The following NEDD9 variants were observed in gnomAD, a reference collection of about 807,000 sequenced individuals.
NEDD9 encodes neural precursor cell expressed, developmentally down-regulated 9, also known as enhancer of filamentation 1.
Under a neutral mutation model 76.6 loss-of-function variants are expected in NEDD9, and 26 were observed. That is an observed-to-expected ratio of 0.34 (90% confidence interval 0.25 to 0.47). The LOEUF (loss-of-function observed/expected upper bound fraction) is 0.47. NEDD9 is among the 20% of genes least tolerant of loss of function. NEDD9 has a pLI of 1.00. For missense variants in NEDD9, 937 were observed against 1,058.5 expected (o/e 0.89, Z 1.59); for synonymous variants, 392 against 414.2 (o/e 0.95, Z 0.65).
chr6:11,330,770 A>G (rs72832921), intron 2 of NEDD9, among the ~76,000 whole-genome samples: 1,950 of 152,332 alleles, frequency 0.013, 9 homozygotes, highest in South Asian at 0.03. Context: ...CTAAACCACA[A>G]AACATAAAAT....
chr6:11,381,003 A>G (rs560003188), intron 1 of NEDD9, among the ~76,000 whole-genome samples: 1 of 152,176 alleles, frequency 6.6e-6, no homozygotes, highest in Non-Finnish European at 1.5e-5. Flanking sequence ...GTACAAAGTG[A>G]CAGCCACTAA....
Position 11,283,651 on chromosome 6 carries a change from T to C in NEDD9, c.12+22341A>G, listed in dbSNP as rs542010126. The stretch of plus-strand genomic sequence containing the variant: ...AGGAAAGATTTGGGATCTAATAATC[T>C]TGAATGCCTCTTTCTTGAATCTTGA... On this transcript the variant is annotated intron_variant, in intron 3 of 3. Coordinates refer to the NEDD9 transcript ENST00000397378. 1.2e-4 allele frequency among the ~76,000 whole-genome samples: 18 copies of C among 152,324 alleles called. No homozygotes were observed. The East Asian group carries it at 3.5e-3, about 29-fold the overall frequency.
In NEDD9 at chr6:11,252,193, C is replaced by T. The variant is rs1681808944; in HGVS notation, c.13-38466G>A. On this transcript the variant is annotated intron_variant, in intron 3 of 3. Transcript: ENST00000397378. This position sits in a 1 kb window ranked among gnomAD's most constrained non-coding sequence, Gnocchi z 4.3. ...GTCTGTCCTGGGGCTCTTAGCTATG[C>T]CAGCAGAGCCCTCTGGAGAGCTGAC... is the stretch of plus-strand genomic sequence containing the variant. Among the ~76,000 whole-genome samples the T allele has an allele frequency of 6.6e-6, 1 of 152,132 alleles. No individual in the cohort carries two copies. The highest frequency in any genetic ancestry group is 2.1e-4 in the South Asian group (1 of 4,826).
chr6:11,336,407 A>G (rs1438109362), intron 1 of NEDD9, among the ~76,000 whole-genome samples: 2 of 152,242 alleles, frequency 1.3e-5, no homozygotes, highest in East Asian at 1.9e-4. Context: ...AGTAGACAGC[A>G]TGTCACTGTA....
intron 2 of NEDD9, among the ~76,000 whole-genome samples, chr6:11,205,217 C>A (rs1758573412): frequency 6.6e-6 from 1 of 152,246 alleles, no homozygotes; most frequent in African/African-American, 2.4e-5. Context: ...GTTCCCTCCT[C>A]TGAACAGCAA....
intron 2 of NEDD9, among the ~76,000 whole-genome samples, chr6:11,313,337 A>G (rs1294245873): frequency 6.7e-6 from 1 of 148,782 alleles, no homozygotes; most frequent in Non-Finnish European, 1.5e-5. Context: ...ATGGGTGGAT[A>G]GATAGTGGAT....
intron 3 of NEDD9, among the ~76,000 whole-genome samples, chr6:11,253,780 G>T (rs1759953715): frequency 6.6e-6 from 1 of 152,126 alleles, no homozygotes; most frequent in African/African-American, 2.4e-5. Context: ...TCTATAAAAA[G>T]AATAAAATAG....
In NEDD9 at chr6:11,218,333, G is replaced by A. The variant is rs1054735915; in HGVS notation, c.13-4606C>T. ...CCACCTCACTGCCACCCTTCATTCA[G>A]GTCTTCAGCAACTTTTTTTTTTTTT... On this transcript the variant is annotated intron_variant, in intron 1 of 6. Coordinates refer to ENST00000379446, the MANE Select transcript of NEDD9 (RefSeq NM_006403.4). 2.7e-5 allele frequency among the ~76,000 whole-genome samples: 4 copies of A among 145,478 alleles called. No individual in the cohort carries two copies. In the Admixed American group the frequency reaches 2.9e-4, roughly 11 times the overall value.
At chr6:11,366,441 G>A (rs1210101036) in intron 1 of NEDD9, among the ~76,000 whole-genome samples, 7 of 150,838 alleles carry the variant, frequency 4.6e-5, no homozygotes, top group Admixed American at 1.3e-4. Flanking sequence ...AAGAAAGAAA[G>A]AAAAAAGAAA....
Position 11,184,941 on chromosome 6 carries a change from A to G in NEDD9, c.*221T>C. On this transcript the variant is annotated 3_prime_UTR_variant, in exon 7 of 7. Coordinates refer to ENST00000379446, the MANE Select transcript of NEDD9 (RefSeq NM_006403.4). ...AAGTTTTCTGTACAGTTTATGTCTC[A>G]GATACTTCTATGTATACATAAGAAC... The G allele has an allele frequency of 2.0e-6, 1 of 496,426 alleles. No homozygotes were observed. The highest frequency in any genetic ancestry group is 3.4e-6 in the Non-Finnish European group (1 of 290,694). 30.8% of individuals were successfully genotyped at this position (496,426 alleles called of 1,614,324 possible). A position where few individuals can be genotyped will look rare whatever the true frequency, so the allele number is the denominator to read the frequency against.
chr6:11,257,910 C>T (rs1760036711), intron 3 of NEDD9, among the ~76,000 whole-genome samples: 1 of 152,018 alleles, frequency 6.6e-6, no homozygotes, highest in African/African-American at 2.4e-5. Context: ...GTCCTTATGT[C>T]CATCTCTTGT....
At chr6:11,342,570 A>G (rs533973165) in intron 1 of NEDD9, among the ~76,000 whole-genome samples, 1 of 152,348 alleles carries the variant, frequency 6.6e-6, no homozygotes, top group African/African-American at 2.4e-5. Flanking sequence ...TAAATTGAAT[A>G]AAAATAGTCT....
chr6:11,349,023 C>T (rs1762414860), intron 1 of NEDD9, among the ~76,000 whole-genome samples: 1 of 152,120 alleles, frequency 6.6e-6, no homozygotes, highest in Non-Finnish European at 1.5e-5. Context: ...GCAAACTATG[C>T]ATCTTACATC....
chr6:11,365,285 C>G (rs1041545804), intron 1 of NEDD9, among the ~76,000 whole-genome samples: 8 of 152,034 alleles, frequency 5.3e-5, no homozygotes, highest in African/African-American at 1.9e-4. Flanking sequence ...TCTTGTCCTA[C>G]TTTCAAAAAA....
chr6:11,212,227 G>A (rs1758803446), intron 2 of NEDD9, among the ~76,000 whole-genome samples: 2 of 152,176 alleles, frequency 1.3e-5, no homozygotes. Flanking sequence ...TTCTTATCCA[G>A]TTAAATTTGT....
At chr6:11,306,080 C>T (rs1330312620) in exon 3 of NEDD9, 13 of 1,546,242 alleles carry the variant, frequency 8.4e-6, no homozygotes, top group Admixed American at 3.3e-5. Flanking sequence ...CCAGTTTCTT[C>T]GTTTTCATAA....
chr6:11,266,250 C>T (rs1445098010), intron 3 of NEDD9, among the ~76,000 whole-genome samples: 1 of 152,080 alleles, frequency 6.6e-6, no homozygotes, highest in Non-Finnish European at 1.5e-5. Context: ...GCACCCCTCC[C>T]CCCTCACTTA....
At chr6:11,354,308 G>A (rs112922377) in intron 1 of NEDD9, among the ~76,000 whole-genome samples, 292 of 152,310 alleles carry the variant, frequency 1.9e-3, no homozygotes, top group African/African-American at 6.8e-3. Context: ...GAGAACATGA[G>A]TCACCAGCTC....
At chr6:11,224,027 T>G (rs1759232013) in intron 1 of NEDD9, among the ~76,000 whole-genome samples, 1 of 152,202 alleles carries the variant, frequency 6.6e-6, no homozygotes, top group African/African-American at 2.4e-5. Flanking sequence ...TATCCTTCCC[T>G]TTGTCAGACC....
Sources: allele counts gnomAD v4.1 joint callset (sites outside exome capture counted in the v4.1 genomes callset), GRCh38; gene constraint gnomAD v4.1.1; non-coding constraint Gnocchi (gnomAD v3.1); transcripts MANE v1.5; gene names NCBI Gene and HGNC (gene_info 2026-07-23, HGNC 2026-07-21).